MRPS6: variants seen among roughly 807,000 people sequenced by gnomAD.
MRPS6 encodes mitochondrial ribosomal protein S6.
In MRPS6, 6 loss-of-function variants were observed where a neutral mutation model predicts 13.1. That is an observed-to-expected ratio of 0.46 (90% CI 0.25 to 0.91). The LOEUF (loss-of-function observed/expected upper bound fraction) is 0.91, where lower values mean the gene tolerates loss of function less well. MRPS6 is among the 40% of genes least tolerant of loss of function. The pLI, the probability that MRPS6 is intolerant of heterozygous loss-of-function variation, is 0.18. For missense variants in MRPS6, 164 were observed against 155.6 expected (o/e 1.05, Z -0.29); for synonymous variants, 61 against 56.5 (o/e 1.08, Z -0.36).
At chr21:34,104,577 A>G in intron 1 of MRPS6, 2 of 999,588 alleles carry the variant, frequency 2.0e-6, no homozygotes, top group Non-Finnish European at 2.4e-6. Context: ...GTAGACTAAT[A>G]TGAGATGTTT....
At chr21:34,104,062 C>T (rs1219885383) in intron 1 of MRPS6, 1 of 999,920 alleles carries the variant, frequency 1.0e-6, no homozygotes, top group Non-Finnish European at 1.2e-6. Context: ...TTTAACAGGG[C>T]AAATACTACT....
At chr21:34,099,745 T>A in intron 1 of MRPS6, 3 of 983,844 alleles carry the variant, frequency 3.0e-6, no homozygotes, top group Non-Finnish European at 3.7e-6. Context: ...GTAGGTCAAG[T>A]TTAGAGTACT....
At chr21:34,139,154 G>A (rs1382828697) in intron 2 of MRPS6, among the ~76,000 whole-genome samples, 2 of 139,022 alleles carry the variant, frequency 1.4e-5, no homozygotes, top group African/African-American at 5.4e-5. Context: ...CATGGACACT[G>A]GAAGGGGAAC....
intron 1 of MRPS6, among the ~76,000 whole-genome samples, chr21:34,084,830 G>T (rs540402888): frequency 1.3e-5 from 2 of 152,078 alleles, no homozygotes; most frequent in East Asian, 3.9e-4. Context: ...TGGCTAACAT[G>T]ACTAAAAAAA....
chr21:34,077,059 C>G (rs1014928322), intron 1 of MRPS6, among the ~76,000 whole-genome samples: 3 of 152,120 alleles, frequency 2.0e-5, no homozygotes, highest in Admixed American at 6.6e-5. Context: ...TCCACCCTGC[C>G]CCCCCTGCAA....
In MRPS6 at chr21:34,092,139, T is replaced by TATAA. The variant is rs909155340; in HGVS notation, c.45+18395_45+18396insTAAA. Among the ~76,000 whole-genome samples the TATAA allele has an allele frequency of 4.5e-4, 68 of 150,948 alleles. 1 individual carries two copies. The highest frequency in any genetic ancestry group is 1.9e-3 in the East Asian group (10 of 5,144). On this transcript the variant is annotated intron_variant, in intron 1 of 2. Coordinates refer to ENST00000399312, the MANE Select transcript of MRPS6 (RefSeq NM_032476.4). ...AGGAAGAAAAACATATATATATATA[T>TATAA]AACATACTGTATATTCAGAACCATT... is the stretch of plus-strand genomic sequence containing the variant.
intron 1 of MRPS6, chr21:34,123,715 C>T (rs1980203698): frequency 6.6e-6 from 1 of 152,100 alleles, no homozygotes; most frequent in Non-Finnish European, 1.5e-5. Context: ...GTGTTTTCTC[C>T]TAAAACACGT....
chr21:34,127,886 G>T (rs545995986), intron 2 of MRPS6, among the ~76,000 whole-genome samples: 25 of 152,322 alleles, frequency 1.6e-4, no homozygotes, highest in Admixed American at 1.3e-3. Flanking sequence ...TTGGTTACAC[G>T]TTTAGCATTC....
At chr21:34,080,102 A>AGG (rs774945389) in intron 1 of MRPS6, among the ~76,000 whole-genome samples, 3 of 152,110 alleles carry the variant, frequency 2.0e-5, no homozygotes, top group Admixed American at 6.5e-5. Flanking sequence ...CATACTACTG[A>AGG]GGGGAGGATA....
intron 2 of MRPS6, chr21:34,135,887 G>T: frequency 1.9e-6 from 1 of 519,508 alleles, no homozygotes; most frequent in Non-Finnish European, 3.6e-6. Context: ...GCAGCATAAG[G>T]CCCTGCATTG....
At chr21:34,138,993 A>T (rs1381948767) in intron 2 of MRPS6, among the ~76,000 whole-genome samples, 2 of 151,364 alleles carry the variant, frequency 1.3e-5, no homozygotes, top group Non-Finnish European at 2.9e-5. Flanking sequence ...TACACCATGG[A>T]ATACTATGCA....
intron 1 of MRPS6, among the ~76,000 whole-genome samples, chr21:34,093,509 G>A (rs1041604038): frequency 1.3e-5 from 2 of 151,966 alleles, no homozygotes; most frequent in African/African-American, 2.4e-5. Context: ...CTAATACTGT[G>A]GTCTGTTTTG....
chr21:34,139,646 C>T (rs953649612), intron 2 of MRPS6, among the ~76,000 whole-genome samples: 3 of 152,134 alleles, frequency 2.0e-5, no homozygotes, highest in Non-Finnish European at 2.9e-5. Flanking sequence ...GATACAATCA[C>T]GGCTCACTGC....
chr21:34,110,147 C>A (rs939251288), intron 1 of MRPS6, among the ~76,000 whole-genome samples: 4 of 152,072 alleles, frequency 2.6e-5, no homozygotes, highest in Admixed American at 2.6e-4. Flanking sequence ...GAAAATTGTT[C>A]ACATTTCAAA....
At chr21:34,117,350 G>A (rs572337291) in intron 1 of MRPS6, among the ~76,000 whole-genome samples, 2 of 152,102 alleles carry the variant, frequency 1.3e-5, no homozygotes, top group Non-Finnish European at 2.9e-5. Flanking sequence ...CCCTCCTGAC[G>A]GGGTATTCAT....
intron 1 of MRPS6, among the ~76,000 whole-genome samples, chr21:34,085,756 C>T (rs560155789): frequency 6.6e-6 from 1 of 152,184 alleles, no homozygotes; most frequent in East Asian, 1.9e-4. Context: ...GCGCCCGCCA[C>T]CGCACCCAGC....
chr21:34,112,443 A>G (rs1294976618), intron 1 of MRPS6, among the ~76,000 whole-genome samples: 1 of 152,160 alleles, frequency 6.6e-6, no homozygotes, highest in Non-Finnish European at 1.5e-5. Context: ...ACAGTTTGAG[A>G]TAAATTTCAT....
chr21:34,122,161 A>G (rs368639533), intron 1 of MRPS6: 1 of 152,380 alleles, frequency 6.6e-6, no homozygotes, highest in East Asian at 1.9e-4. Context: ...CTCTGGGGCC[A>G]TGTGGTCTCT....
At chr21:34,102,508 CA>C in intron 1 of MRPS6, 1 of 1,000,112 alleles carries the variant, frequency 1.0e-6, no homozygotes, top group Non-Finnish European at 1.2e-6. Flanking sequence ...CAGAAATAAA[CA>C]AAAACTGTTT....
Sources: allele counts gnomAD v4.1 joint callset (sites outside exome capture counted in the v4.1 genomes callset), GRCh38; gene constraint gnomAD v4.1.1; transcripts MANE v1.5; gene names NCBI Gene and HGNC (gene_info 2026-07-23, HGNC 2026-07-21).